Variants in CNOT7 observed in about 807,000 individuals in gnomAD.
CNOT7 encodes CCR4-NOT transcription complex subunit 7, also known as BTG1-binding factor 1.
Under a neutral mutation model 37.1 loss-of-function variants are expected in CNOT7, and 4 were observed. That is an observed-to-expected ratio of 0.11 (90% confidence interval 0.05 to 0.25). The LOEUF is 0.25. Among genes scored for constraint, CNOT7 ranks in the 10% least tolerant of loss-of-function variants. The pLI is 1.00. For synonymous variants in CNOT7, 128 were observed against 115.6 expected (o/e 1.11, Z -0.69); for missense variants, 170 against 336.2 (o/e 0.51, Z 3.87).
chr8:17,244,769 C>G (rs1382802439), intron 2 of CNOT7: 3 of 335,974 alleles, frequency 8.9e-6, no homozygotes, highest in South Asian at 4.2e-5. Context: ...CTGACACGAG[C>G]CCAAATCCTT....
intron 6 of CNOT7, chr8:17,231,792 C>T (rs1808654509): frequency 1.0e-6 from 1 of 985,696 alleles, no homozygotes; most frequent in Non-Finnish European, 1.2e-6. Flanking sequence ...ACACTTTATA[C>T]TCAAGGAACT....
intron 5 of CNOT7, among the ~76,000 whole-genome samples, chr8:17,233,459 G>A (rs7828439): frequency 0.25 from 38,065 of 152,024 alleles, 6,285 homozygotes; most frequent in East Asian, 0.65. Context: ...CACCTTTGTC[G>A]TTAACCTGAA....
chr8:17,234,693 G>C (rs757594766), intron 5 of CNOT7, 23 bp downstream of exon 5: 2 of 1,612,908 alleles, frequency 1.2e-6, no homozygotes, highest in African/African-American at 1.3e-5. Flanking sequence ...TGCTGCTGTA[G>C]ATAATGCCAT....
At chr8:17,232,245 T>C (rs770219095) in intron 6 of CNOT7, 182 bp downstream of exon 6, 8 of 1,440,242 alleles carry the variant, frequency 5.6e-6, no homozygotes, top group Non-Finnish European at 7.2e-6. Context: ...CAGTTCCTTC[T>C]GAACTACATT....
chr8:17,245,205 T>C lies in CNOT7; in HGVS notation c.-53A>G. ...CAAGCATCAAAATGTTATACTTGAT[T>C]GAAGATTTGTTTCATAAAATATTTT... On this transcript the variant is annotated 5_prime_UTR_variant, in exon 2 of 7. Coordinates refer to ENST00000361272, the MANE Select transcript of CNOT7 (RefSeq NM_013354.7). 6.5e-7 allele frequency: 1 copy of C among 1,529,272 alleles called. No homozygotes were observed. The highest frequency in any genetic ancestry group is 8.8e-7 in the Non-Finnish European group (1 of 1,139,260). 94.7% of individuals were successfully genotyped at this position (1,529,272 alleles called of 1,614,324 possible). A position where few individuals can be genotyped will look rare whatever the true frequency, so the allele number is the denominator to read the frequency against.
rs1157073217 is a variant in CNOT7, at chr8:17,225,896, C to T, written c.*4824G>A. On this transcript the variant is annotated 3_prime_UTR_variant, in exon 7 of 7. Coordinates refer to ENST00000361272, the MANE Select transcript of CNOT7 (RefSeq NM_013354.7). Reference sequence around the variant, plus strand: ...CATTTATTTTATAGACATGAGATAACATATGCATTCATAATTTGATTCCAC... The same window carrying T: ...CATTTATTTTATAGACATGAGATAATATATGCATTCATAATTTGATTCCAC... 6.6e-6 allele frequency: 1 copy of T among 151,566 alleles called. No individual in the cohort carries two copies. Among genetic ancestry groups the T allele is most frequent in the African/African-American group, 2.4e-5 (1 of 41,360 alleles). 9.4% of individuals were successfully genotyped at this position (151,566 alleles called of 1,614,324 possible). A position where few individuals can be genotyped will look rare whatever the true frequency, so the allele number is the denominator to read the frequency against.
intron 3 of CNOT7, among the ~76,000 whole-genome samples, chr8:17,238,727 T>C (rs1283500501): frequency 1.3e-5 from 2 of 152,334 alleles, no homozygotes; most frequent in Middle Eastern, 3.4e-3. Context: ...TTAGACCTTT[T>C]TCTCTTAAGT....
chr8:17,235,582 C>A (rs191580565), intron 4 of CNOT7, among the ~76,000 whole-genome samples: 1 of 152,124 alleles, frequency 6.6e-6, no homozygotes, highest in Admixed American at 6.5e-5. Context: ...TCCCTTTGTC[C>A]GGCCTTTCGC....
At chr8:17,243,899 A>C (rs1810528608) in intron 2 of CNOT7, among the ~76,000 whole-genome samples, 1 of 152,178 alleles carries the variant, frequency 6.6e-6, no homozygotes, top group South Asian at 2.1e-4. Context: ...TAACCAATCA[A>C]CTTGCTCCTC....
In CNOT7 at chr8:17,234,870, G is replaced by A. The variant is rs755545345; in HGVS notation, c.474-10C>T. 4 of 1,611,756 alleles carry A rather than the reference G, an allele frequency of 2.5e-6. No individual in the cohort carries two copies. The highest frequency in any genetic ancestry group is 2.7e-5 in the African/African-American group (2 of 74,664). On this transcript the variant is annotated splice_polypyrimidine_tract_variant and intron_variant, in intron 4 of 6. Transcript: ENST00000361272. ...GCCAAAGTCGTAACCGCTATAAAAG[G>A]GTTAAAAGAATAGAGAAGAGGGACA...
rs1808436067 is a variant in CNOT7, at chr8:17,230,110, G to A, written c.*610C>T. ...TACGTACAGAAACAGCAGTTACTAA[G>A]CTCCTCAGTAGTTTCTTGTCTTTTT... is the stretch of plus-strand genomic sequence containing the variant. On this transcript the variant is annotated 3_prime_UTR_variant, in exon 7 of 7. Transcript: ENST00000361272. 6.6e-6 allele frequency: 1 copy of A among 152,506 alleles called. No homozygotes were observed. Among genetic ancestry groups the A allele is most frequent in the Admixed American group, 6.6e-5 (1 of 15,252 alleles). The allele number at this position is 152,506 out of a possible 1,614,324, so 9.4% of individuals were successfully genotyped here. A position where few individuals can be genotyped will look rare whatever the true frequency, so the allele number is the denominator to read the frequency against.
intron 3 of CNOT7, 119 bp from the exon 4 acceptor site, chr8:17,237,492 C>G (rs965087296): frequency 1.4e-5 from 12 of 837,730 alleles, no homozygotes; most frequent in African/African-American, 3.4e-5. Context: ...CTTGAGTCCA[C>G]CTGTTTCAAT....
chr8:17,226,968 G>T lies in CNOT7; in HGVS notation c.*3752C>A, dbSNP rs146932361. On this transcript the variant is annotated 3_prime_UTR_variant, in exon 7 of 7. Coordinates refer to ENST00000361272, the MANE Select transcript of CNOT7 (RefSeq NM_013354.7). ...CTTTAGCACTGCTAAGCCATTGAAC[G>T]CCTGTGTGGCAAATCAAATCAGGAT... The T allele has an allele frequency of 2.0e-5, 3 of 150,996 alleles. No homozygotes were observed. The highest frequency in any genetic ancestry group is 1.3e-4 in the Admixed American group (2 of 15,132). 9.4% of individuals were successfully genotyped at this position (150,996 alleles called of 1,614,324 possible).
intron 4 of CNOT7, 31 bp downstream of exon 4, chr8:17,237,181 A>G (rs1225779643): frequency 1.9e-6 from 3 of 1,607,910 alleles, no homozygotes; most frequent in African/African-American, 1.3e-5. Flanking sequence ...AGATGGAAAA[A>G]CAAATGCCAT....
chr8:17,232,260 G>C (rs1808737936), intron 6 of CNOT7, 167 bp downstream of exon 6: 9 of 1,458,780 alleles, frequency 6.2e-6, no homozygotes, highest in Non-Finnish European at 7.2e-6. Flanking sequence ...TACATTTCAA[G>C]ATGACTTATT....
At chr8:17,238,107 A>G (rs1224990900) in intron 3 of CNOT7, among the ~76,000 whole-genome samples, 1 of 152,236 alleles carries the variant, frequency 6.6e-6, no homozygotes, top group Non-Finnish European at 1.5e-5. Context: ...ATTTCCAACC[A>G]CAAATATGTG....
chr8:17,226,973 T>C lies in CNOT7; in HGVS notation c.*3747A>G, dbSNP rs977624669. 1.3e-5 allele frequency: 2 copies of C among 150,912 alleles called. No homozygotes were observed. The highest frequency in any genetic ancestry group is 4.9e-5 in the African/African-American group (2 of 41,194). 9.3% of individuals were successfully genotyped at this position (150,912 alleles called of 1,614,324 possible). A position where few individuals can be genotyped will look rare whatever the true frequency, so the allele number is the denominator to read the frequency against. ...GCACTGCTAAGCCATTGAACGCCTG[T>C]GTGGCAAATCAAATCAGGATATTCA... is the stretch of plus-strand genomic sequence containing the variant. On this transcript the variant is annotated 3_prime_UTR_variant, in exon 7 of 7. Coordinates refer to ENST00000361272, the MANE Select transcript of CNOT7 (RefSeq NM_013354.7).
At chr8:17,232,734 A>G (rs1808796975) in intron 5 of CNOT7, among the ~76,000 whole-genome samples, 197 bp from the exon 6 acceptor site, 1 of 152,210 alleles carries the variant, frequency 6.6e-6, no homozygotes. Context: ...ATCATTTAAT[A>G]GAAAACAAGA....
Position 17,227,402 on chromosome 8 carries a change from G to C in CNOT7, c.*3318C>G, listed in dbSNP as rs1808233017. On this transcript the variant is annotated 3_prime_UTR_variant, in exon 7 of 7. Transcript: ENST00000361272. ...ACTAGTAAGAGGCAAAGAATTAACA[G>C]TGTCATTTGATGTTGTGTCCAAAAT... 1 of 151,854 alleles carries C rather than the reference G, an allele frequency of 6.6e-6. No individual in the cohort carries two copies. Among genetic ancestry groups the C allele is most frequent in the Non-Finnish European group, 1.5e-5 (1 of 67,808 alleles). The allele number at this position is 151,854 out of a possible 1,614,324, so 9.4% of individuals were successfully genotyped here.
Sources: allele counts gnomAD v4.1 joint callset (sites outside exome capture counted in the v4.1 genomes callset), GRCh38; gene constraint gnomAD v4.1.1; transcripts MANE v1.5; gene names NCBI Gene and HGNC (gene_info 2026-07-23, HGNC 2026-07-21).